TNRC6C: variants seen among roughly 807,000 people sequenced by gnomAD.
The protein encoded by TNRC6C is trinucleotide repeat containing adaptor 6C.
Under a neutral mutation model 153.7 loss-of-function variants are expected in TNRC6C, and 20 were observed. The ratio of observed to expected loss-of-function variants is 0.13; its 90% CI spans 0.09 to 0.19. The LOEUF (loss-of-function observed/expected upper bound fraction) is 0.19. TNRC6C is among the 10% of genes least tolerant of loss of function. TNRC6C has a pLI of 1.00. For missense variants in TNRC6C, 1,987 were observed against 2,172.0 expected, an observed-to-expected ratio of 0.91 and a Z score of 1.69; for synonymous variants, 811 against 841.4, an observed-to-expected ratio of 0.96 and a Z score of 0.63.
intron 1 of TNRC6C, among the ~76,000 whole-genome samples, chr17:77,963,618 T>C (rs2070876937): frequency 6.6e-6 from 1 of 152,222 alleles, no homozygotes; most frequent in Non-Finnish European, 1.5e-5. Flanking sequence ...TGTGCAGAGC[T>C]AGACAATCTG....
In TNRC6C at chr17:78,087,612, G is replaced by A. The variant is rs114924892; in HGVS notation, c.3802+519G>A. ...TCTGAACTGTACTTTACCAGCCACTGTCCTCCAGCCTAAACCACAGAGAAG... is the reference window on the plus strand; with the variant it reads ...TCTGAACTGTACTTTACCAGCCACTATCCTCCAGCCTAAACCACAGAGAAG... On this transcript the variant is annotated intron_variant, in intron 13 of 19. Transcript: ENST00000301624. 5.3e-3 allele frequency among the ~76,000 whole-genome samples: 804 copies of A among 152,222 alleles called. 3 individuals are homozygous for A. The highest frequency in any genetic ancestry group is 0.019 in the African/African-American group (772 of 41,512).
intron 1 of TNRC6C, 123 bp downstream of exon 3, chr17:78,005,202 T>C (rs990538201): frequency 1.6e-5 from 9 of 571,174 alleles, no homozygotes; most frequent in Non-Finnish European, 2.3e-5. Flanking sequence ...TTTGAAACTA[T>C]TTTTTATTAT....
At chr17:78,102,679 GGGA>G (rs2073619283) in intron 18 of TNRC6C, 135 bp downstream of exon 21, 1 of 826,780 alleles carries the variant, frequency 1.2e-6, no homozygotes, top group African/African-American at 1.8e-5. Flanking sequence ...GACGCTGCAT[GGGA>G]GGAGATGAGC....
intron 1 of TNRC6C, among the ~76,000 whole-genome samples, chr17:77,971,662 A>G (rs1004499989): frequency 9.9e-5 from 15 of 152,134 alleles, no homozygotes; most frequent in African/African-American, 3.6e-4. Flanking sequence ...CCAGAGATTA[A>G]AATCTGCTCT....
chr17:77,983,419 C>A (rs775313682), intron 1 of TNRC6C, among the ~76,000 whole-genome samples: 7 of 152,156 alleles, frequency 4.6e-5, no homozygotes, highest in Non-Finnish European at 1.0e-4. Context: ...TAATGCTATA[C>A]AATGGGGGCA....
At chr17:78,028,687 T>A (rs1466361519) in intron 1 of TNRC6C, among the ~76,000 whole-genome samples, 1 of 152,222 alleles carries the variant, frequency 6.6e-6, no homozygotes, top group South Asian at 2.1e-4. Context: ...TACCGTATCA[T>A]GAACCACCCC....
At chr17:78,002,256 A>G (rs2071424044), upstream of TNRC6C, among the ~76,000 whole-genome samples, 1 of 152,194 alleles carries the variant, frequency 6.6e-6, no homozygotes, top group African/African-American at 2.4e-5. Flanking sequence ...CTGAGATTAT[A>G]TACCAGAAAT....
chr17:77,981,156 A>G lies in TNRC6C; in HGVS notation c.-38+21888A>G, dbSNP rs184339608. 4.4e-3 allele frequency among the ~76,000 whole-genome samples: 664 copies of G among 152,166 alleles called. 5 individuals carry two copies. The highest frequency in any genetic ancestry group is 7.4e-3 in the Non-Finnish European group (502 of 67,976). ...ATGCTAGGCTAATTTTTTAAAAAAA[A>G]TTTTGTAGAGGTGGGGGTCCCACTG... On this transcript the variant is annotated intron_variant, in intron 1 of 22. Coordinates refer to the TNRC6C transcript ENST00000636222.
chr17:77,966,452 A>G (rs914426684), intron 1 of TNRC6C, among the ~76,000 whole-genome samples: 1 of 152,240 alleles, frequency 6.6e-6, no homozygotes, highest in Non-Finnish European at 1.5e-5. Flanking sequence ...AGGATAAAAT[A>G]ATACAAAATG....
At chr17:78,055,405 T>C (rs2072634207) in intron 3 of TNRC6C, among the ~76,000 whole-genome samples, 1 of 152,184 alleles carries the variant, frequency 6.6e-6, no homozygotes, top group Non-Finnish European at 1.5e-5. Context: ...GCATCATCAG[T>C]TGTGTGTGCT....
chr17:78,004,874 A>G (rs1488888080), upstream of TNRC6C, among the ~76,000 whole-genome samples: 2 of 152,168 alleles, frequency 1.3e-5, no homozygotes, highest in Non-Finnish European at 2.9e-5. Context: ...TAACATTGGT[A>G]TATAATCAAT....
rs1388907179 is a variant in TNRC6C at position 77,971,436 on chromosome 17, G to T, written c.-38+12168G>T. Among the ~76,000 whole-genome samples, 3 of 151,924 alleles carry T rather than the reference G, an allele frequency of 2.0e-5. No homozygotes were observed. In the East Asian group the frequency reaches 5.8e-4, roughly 29 times the overall value. Reference sequence around the variant, plus strand: ...TCCTGTGACATTAAATACCACATACGCACTGAAGACACCAACCTAGACTGC... The same window carrying T: ...TCCTGTGACATTAAATACCACATACTCACTGAAGACACCAACCTAGACTGC... On this transcript the variant is annotated intron_variant, in intron 1 of 22. Coordinates refer to the TNRC6C transcript ENST00000636222.
intron 1 of TNRC6C, among the ~76,000 whole-genome samples, chr17:78,019,713 T>G (rs2071796837): frequency 6.6e-6 from 1 of 152,200 alleles, no homozygotes; most frequent in Non-Finnish European, 1.5e-5. Flanking sequence ...AACAAATGAT[T>G]TGTTGAAAAA....
chr17:78,082,729 C>A (rs1347735773), intron 10 of TNRC6C, among the ~76,000 whole-genome samples: 1 of 152,160 alleles, frequency 6.6e-6, no homozygotes, highest in Non-Finnish European at 1.5e-5. Context: ...TGAACATCTG[C>A]TTTTCTGGGA....
chr17:78,050,602 C>T (rs1464980745), exon 3 of TNRC6C: 8 of 1,583,916 alleles, frequency 5.1e-6, no homozygotes, highest in Non-Finnish European at 6.9e-6. Context: ...CAACGCGCCA[C>T]CTGCCGCTGT....
intron 5 of TNRC6C, among the ~76,000 whole-genome samples, chr17:78,070,715 G>A (rs1338566650): frequency 1.3e-5 from 2 of 152,086 alleles, no homozygotes; most frequent in Admixed American, 6.5e-5. Flanking sequence ...CTTAGAAAAG[G>A]CAAAAAGTGT....
chr17:78,104,809 G>T lies in TNRC6C; in HGVS notation c.5037G>T (p.Leu1679=). The T allele has an allele frequency of 1.4e-6, 2 of 1,440,972 alleles. No homozygotes were observed. 89.3% of individuals were successfully genotyped at this position (1,440,972 alleles called of 1,614,324 possible). The change falls in exon 20 of 20, where the codon CTG becomes CTT. Residue 1679 remains leucine, a synonymous_variant. Coordinates refer to ENST00000301624, the Ensembl canonical transcript of TNRC6C. The surrounding 1 kb of genome is among the most constrained non-coding windows in gnomAD (Gnocchi z 6.2). ...GCAGCCCCACGCCGCTAACCACCCTGCTGCCTGGGGACCTGCTCAGCGGGG... is the reference window on the plus strand; with the variant it reads ...GCAGCCCCACGCCGCTAACCACCCTTCTGCCTGGGGACCTGCTCAGCGGGG...
At chr17:78,095,688 G>A (rs548113430) in intron 16 of TNRC6C, among the ~76,000 whole-genome samples, 265 of 152,312 alleles carry the variant, frequency 1.7e-3, no homozygotes, top group Non-Finnish European at 3.4e-3. Context: ...ATACATTAGG[G>A]TTTGTTATTG....
At chr17:77,962,833 G>T (rs1042200451) in intron 1 of TNRC6C, among the ~76,000 whole-genome samples, 1 of 152,192 alleles carries the variant, frequency 6.6e-6, no homozygotes, top group African/African-American at 2.4e-5. Context: ...ACAGTCTTTG[G>T]TCTCTCTTGC....
Sources: allele counts gnomAD v4.1 joint callset (sites outside exome capture counted in the v4.1 genomes callset), GRCh38; gene constraint gnomAD v4.1.1; non-coding constraint Gnocchi (gnomAD v3.1); transcripts MANE v1.5; gene names NCBI Gene and HGNC (gene_info 2026-07-23, HGNC 2026-07-21).